Variants in MCM10 observed in about 807,000 individuals in gnomAD.
The protein encoded by MCM10 is protein MCM10 homolog.
A neutral mutation model predicts 109.9 loss-of-function variants in MCM10; 91 were observed. That is an observed-to-expected ratio of 0.83 (90% CI 0.70 to 0.99). MCM10 has a LOEUF of 0.99. MCM10 is among the 50% of genes least tolerant of loss of function. The probability of loss-of-function intolerance (pLI) is 0.00; values close to 1 mark genes in which losing one functional copy is unlikely to be tolerated. For missense variants in MCM10, 1,077 were observed against 1,061.2 expected (o/e 1.01, Z -0.21); for synonymous variants, 380 against 387.2 (o/e 0.98, Z 0.22).
In MCM10 at chr10:13,172,504, A is replaced by G; in HGVS notation, c.454+24A>G. On this transcript the variant is annotated intron_variant, in intron 4 of 19. Coordinates refer to ENST00000378714, the MANE Select transcript of MCM10 (RefSeq NM_018518.5). The surrounding 1 kb of genome is among the most constrained non-coding windows in gnomAD (Gnocchi z 5.2). ...TGGTAAGAAGACTGTCATTCTGGCA[A>G]TCGTGTGCATTTATTTTATTAGAAA... 6.2e-7 allele frequency: 1 copy of G among 1,608,068 alleles called. No individual in the cohort carries two copies.
chr10:13,206,254 G>A (rs1281205573), intron 18 of MCM10, among the ~76,000 whole-genome samples: 1 of 152,178 alleles, frequency 6.6e-6, no homozygotes, highest in Non-Finnish European at 1.5e-5. Flanking sequence ...CTTCCTAACT[G>A]ATGACAGTGC....
chr10:13,204,822 C>T (rs907311747), intron 18 of MCM10, among the ~76,000 whole-genome samples: 14 of 152,144 alleles, frequency 9.2e-5, no homozygotes, highest in Middle Eastern at 3.4e-3. Flanking sequence ...TCTGTGGATG[C>T]TCAAGTCTCT....
chr10:13,179,606 G>A (rs750343787), intron 6 of MCM10, among the ~76,000 whole-genome samples: 3 of 152,042 alleles, frequency 2.0e-5, no homozygotes, highest in Non-Finnish European at 4.4e-5. Flanking sequence ...AATATATAAC[G>A]CTATCAAAGA....
chr10:13,177,305 T>A (rs557649705), intron 6 of MCM10, among the ~76,000 whole-genome samples: 1 of 152,210 alleles, frequency 6.6e-6, no homozygotes, highest in South Asian at 2.1e-4. Flanking sequence ...AAAGGACATA[T>A]TAATAGAAAT....
intron 18 of MCM10, among the ~76,000 whole-genome samples, chr10:13,205,079 AAGT>A (rs2131590836): frequency 1.5e-5 from 2 of 131,296 alleles, no homozygotes; most frequent in South Asian, 5.0e-4. Context: ...TAAGGGGCAC[AAGT>A]GCAATTTTGT....
rs778940895 is a variant in MCM10 at position 13,195,105 on chromosome 10, GC to G, written c.1811del (p.Ala604ValfsTer20). 1 of 1,614,066 alleles carries G rather than the reference GC, an allele frequency of 6.2e-7. No individual in the cohort carries two copies. Among genetic ancestry groups the G allele is most frequent in the Non-Finnish European group, 8.5e-7 (1 of 1,180,040 alleles). The part of the protein sequence containing the change: ...AVPSSSRQPP[A>X]QPPRTGSEFP... The stretch of plus-strand genomic sequence containing the variant: ...GCCATCTTCATCAAGACAGCCCCCT[GC>G]TCAGCCTCCACGGACAGGATCCGAG... On this transcript the variant is annotated frameshift_variant, in exon 14 of 20. Coordinates refer to ENST00000378714, the MANE Select transcript of MCM10 (RefSeq NM_018518.5). LOFTEE classifies it high-confidence loss of function.
intron 8 of MCM10, among the ~76,000 whole-genome samples, chr10:13,185,259 G>A (rs188052185): frequency 1.3e-5 from 2 of 152,166 alleles, no homozygotes; most frequent in East Asian, 3.8e-4. Context: ...AGGCTACTTG[G>A]CTTATTGAGC....
At chr10:13,176,566 T>C (rs1163196809) in intron 6 of MCM10, among the ~76,000 whole-genome samples, 3 of 152,172 alleles carry the variant, frequency 2.0e-5, no homozygotes, top group Non-Finnish European at 4.4e-5. Flanking sequence ...TATATATTAT[T>C]AGCAGAGGAG....
chr10:13,208,370 A>G (rs1834611751), intron 18 of MCM10, among the ~76,000 whole-genome samples: 1 of 152,116 alleles, frequency 6.6e-6, no homozygotes, highest in African/African-American at 2.4e-5. Flanking sequence ...CCTGGGCCAC[A>G]GAGTGAACCC....
At chr10:13,190,806 C>T (rs542186507) in intron 10 of MCM10, among the ~76,000 whole-genome samples, 76 of 151,470 alleles carry the variant, frequency 5.0e-4, no homozygotes, top group African/African-American at 1.8e-3. Context: ...TCTTTGTATC[C>T]ACTTTTTTTC....
Position 13,211,011 on chromosome 10 carries a change from G to C in MCM10, c.*1701G>C, listed in dbSNP as rs189327123. 6.6e-6 allele frequency: 1 copy of C among 152,170 alleles called. No homozygotes were observed. The highest frequency in any genetic ancestry group is 2.4e-5 in the African/African-American group (1 of 41,434). 9.4% of individuals were successfully genotyped at this position (152,170 alleles called of 1,614,324 possible). A position where few individuals can be genotyped will look rare whatever the true frequency, so the allele number is the denominator to read the frequency against. On this transcript the variant is annotated 3_prime_UTR_variant, in exon 20 of 20. Transcript: ENST00000378714. ...TATTCACGTGTATATTGTTATATAA[G>C]TTGTATAATATGCTTGTAAAGGCTG...
At chr10:13,180,251 T>C (rs963095867) in intron 6 of MCM10, among the ~76,000 whole-genome samples, 191 bp from the exon 7 acceptor site, 1 of 142,940 alleles carries the variant, frequency 7.0e-6, no homozygotes, top group African/African-American at 2.6e-5. Context: ...ACTCCATCTT[T>C]AAAAAAAAAA....
At chr10:13,170,483 T>C (rs972913419) in intron 2 of MCM10, among the ~76,000 whole-genome samples, 2 of 152,180 alleles carry the variant, frequency 1.3e-5, no homozygotes, top group African/African-American at 4.8e-5. Flanking sequence ...TGGAAGTCGG[T>C]GTGCGGGAAG....
intron 15 of MCM10, 32 bp from the exon 16 acceptor site, chr10:13,198,657 G>A (rs1407296346): frequency 1.4e-6 from 2 of 1,447,502 alleles, no homozygotes; most frequent in Non-Finnish European, 1.9e-6. Context: ...AAATTTCTTG[G>A]TCGCTGCTAA....
At chr10:13,186,014 G>A (rs567376416) in intron 8 of MCM10, 150 bp from the exon 9 acceptor site, 34 of 544,292 alleles carry the variant, frequency 6.2e-5, no homozygotes, top group African/African-American at 4.0e-4. Context: ...CACCTGCCTC[G>A]GCCTCCCAGA....
At chr10:13,180,645 A>G (rs752142120) in intron 7 of MCM10, 38 bp downstream of exon 7, 1 of 1,606,682 alleles carries the variant, frequency 6.2e-7, no homozygotes, top group South Asian at 1.1e-5. Context: ...GTTTTACTAC[A>G]AACTGACAGT....
Position 13,182,350 on chromosome 10 carries a change from C to A in MCM10, c.931-583C>A, listed in dbSNP as rs1834219768. On this transcript the variant is annotated intron_variant, in intron 7 of 19. Coordinates refer to ENST00000378714, the MANE Select transcript of MCM10 (RefSeq NM_018518.5). This position sits in a 1 kb window ranked among gnomAD's most constrained non-coding sequence, Gnocchi z 4.2. ...AATTAGCTGGGGCTGGTAGCACATG[C>A]CTGTAGTCCCAGCTGCTTGGGAGGC... Among the ~76,000 whole-genome samples the A allele has an allele frequency of 6.6e-6, 1 of 151,922 alleles. No individual in the cohort carries two copies. Among genetic ancestry groups the A allele is most frequent in the African/African-American group, 2.4e-5 (1 of 41,358 alleles).
At chr10:13,196,846 T>G (rs774615219) in intron 14 of MCM10, among the ~76,000 whole-genome samples, 1 of 152,122 alleles carries the variant, frequency 6.6e-6, no homozygotes, top group Non-Finnish European at 1.5e-5. Context: ...ATTCATACTT[T>G]GCAGATATTA....
At chr10:13,163,757 C>G (rs961066471) in intron 1 of MCM10, among the ~76,000 whole-genome samples, 3 of 152,146 alleles carry the variant, frequency 2.0e-5, no homozygotes, top group Admixed American at 6.5e-5. Context: ...TCTCAAACTT[C>G]TGGCCTCAAG....
Sources: gnomAD v4.1 joint callset for allele counts (sites outside exome capture counted in the v4.1 genomes callset) on GRCh38, gnomAD v4.1.1 for gene constraint, Gnocchi (gnomAD v3.1) non-coding constraint, MANE v1.5 for transcripts, NCBI Gene and HGNC (gene_info 2026-07-23, HGNC 2026-07-21) for gene names.